Variants in GALNT10 observed in about 807,000 individuals in gnomAD.
GALNT10 encodes polypeptide N-acetylgalactosaminyltransferase 10.
A neutral mutation model predicts 75.0 loss-of-function variants in GALNT10; 41 were observed. The observed-to-expected ratio is 0.55, with a 90% CI of 0.43 to 0.71. GALNT10 has a LOEUF of 0.71. GALNT10 is among the 30% of genes least tolerant of loss of function. The probability of loss-of-function intolerance (pLI) is 0.00; values close to 1 mark genes in which losing one functional copy is unlikely to be tolerated. For synonymous variants in GALNT10, 302 were observed against 313.0 expected, an observed-to-expected ratio of 0.96 and a Z score of 0.37; for missense variants, 727 against 818.5, an observed-to-expected ratio of 0.89 and a Z score of 1.36.
intron 1 of GALNT10, among the ~76,000 whole-genome samples, chr5:154,262,850 C>T (rs1753719624): frequency 6.6e-6 from 1 of 151,906 alleles, no homozygotes; most frequent in Non-Finnish European, 1.5e-5. Flanking sequence ...TTAATGTTAA[C>T]ATCAGGAAAG....
intron 4 of GALNT10, chr5:154,347,166 T>C (rs1237976003): frequency 1.9e-5 from 10 of 514,634 alleles, no homozygotes; most frequent in Non-Finnish European, 3.2e-5. Context: ...GAGGTTGGCA[T>C]TGTTGTCTGG....
chr5:154,384,706 C>T (rs1018825109), intron 6 of GALNT10, among the ~76,000 whole-genome samples: 11 of 152,216 alleles, frequency 7.2e-5, no homozygotes, highest in African/African-American at 2.7e-4. Context: ...TTGCATGCAT[C>T]ACCTGCTTCT....
intron 1 of GALNT10, among the ~76,000 whole-genome samples, chr5:154,224,110 A>C (rs1753025875): frequency 6.6e-6 from 1 of 152,178 alleles, no homozygotes; most frequent in Admixed American, 6.5e-5. Context: ...AGAAGTTTGA[A>C]TTTGATTCCA....
intron 3 of GALNT10, among the ~76,000 whole-genome samples, chr5:154,325,541 T>G (rs1754744223): frequency 6.6e-6 from 1 of 151,656 alleles, no homozygotes; most frequent in African/African-American, 2.4e-5. Flanking sequence ...GTTGCAGGAA[T>G]GCAAGACTGG....
chr5:154,356,138 T>C, intron 4 of GALNT10: 1 of 456,308 alleles, frequency 2.2e-6, no homozygotes, highest in African/African-American at 2.0e-5. Context: ...AAAAAGATTA[T>C]GTCTGCAATT....
chr5:154,299,124 G>C (rs1001681189), intron 3 of GALNT10, among the ~76,000 whole-genome samples: 1 of 152,188 alleles, frequency 6.6e-6, no homozygotes, highest in Non-Finnish European at 1.5e-5. Context: ...TGTATGCCAG[G>C]CATTTTTCTA....
intron 1 of GALNT10, among the ~76,000 whole-genome samples, chr5:154,225,106 T>G (rs1180717002): frequency 1.9e-4 from 28 of 150,928 alleles, no homozygotes; most frequent in Admixed American, 3.3e-4. Flanking sequence ...TTGTTTGTTT[T>G]TTTTTAGACA....
intron 6 of GALNT10, 138 bp downstream of exon 6, chr5:154,380,769 T>C (rs17116042): frequency 0.25 from 148,905 of 593,594 alleles, 19,743 homozygotes; most frequent in Non-Finnish European, 0.27. Context: ...GTACCAAGTG[T>C]CAGATATCCC....
Position 154,367,964 on chromosome 5 carries a change from A to C in GALNT10, c.569-8313A>C, listed in dbSNP as rs191366762. Among the ~76,000 whole-genome samples, 11 of 152,294 alleles carry C rather than the reference A, an allele frequency of 7.2e-5. No individual in the cohort carries two copies. The East Asian group carries it at 2.1e-3, about 29-fold the overall frequency. On this transcript the variant is annotated intron_variant, in intron 4 of 11. Transcript: ENST00000297107. ...CATGGGATTCTGGTTTTGATCATTTAGAGTTCCTAATATGATCAAGATGGC... is the reference window on the plus strand; with the variant it reads ...CATGGGATTCTGGTTTTGATCATTTCGAGTTCCTAATATGATCAAGATGGC...
intron 8 of GALNT10, among the ~76,000 whole-genome samples, chr5:154,407,360 C>T (rs1756302613): frequency 6.6e-6 from 1 of 152,116 alleles, no homozygotes; most frequent in South Asian, 2.1e-4. Flanking sequence ...TCCTTTGGTG[C>T]AAACAGTGAA....
At chr5:154,275,593 A>G (rs1753937905) in intron 1 of GALNT10, among the ~76,000 whole-genome samples, 2 of 152,224 alleles carry the variant, frequency 1.3e-5, no homozygotes, top group Admixed American at 6.5e-5. Flanking sequence ...AGAACACTTT[A>G]TCTCTGCTGC....
chr5:154,192,384 G>A (rs1774871249), intron 1 of GALNT10, among the ~76,000 whole-genome samples: 1 of 152,206 alleles, frequency 6.6e-6, no homozygotes, highest in African/African-American at 2.4e-5. Context: ...TTCAAACCCT[G>A]ACAGCTAGCT....
At chr5:154,369,827 T>C (rs1202851113) in intron 4 of GALNT10, among the ~76,000 whole-genome samples, 1 of 152,210 alleles carries the variant, frequency 6.6e-6, no homozygotes, top group African/African-American at 2.4e-5. Context: ...CTGACTCATC[T>C]GGTTGGTGGC....
chr5:154,298,418 T>C lies in GALNT10; in HGVS notation c.401+339T>C, dbSNP rs1332630485. 6.6e-6 allele frequency among the ~76,000 whole-genome samples: 1 copy of C among 152,014 alleles called. No individual in the cohort carries two copies. The highest frequency in any genetic ancestry group is 2.4e-5 in the African/African-American group (1 of 41,258). ...TCACTTTCTGTGTGATGTTTTTATT[T>C]CTTTTTAAAAAAAATCTTTCTATAT... On this transcript the variant is annotated intron_variant, in intron 3 of 11. Coordinates refer to ENST00000297107, the MANE Select transcript of GALNT10 (RefSeq NM_198321.4). The surrounding 1 kb of genome is among the most constrained non-coding windows in gnomAD (Gnocchi z 4.1).
intron 4 of GALNT10, among the ~76,000 whole-genome samples, chr5:154,330,920 T>G (rs1289891134): frequency 1.1e-5 from 1 of 87,232 alleles, no homozygotes. Flanking sequence ...TGTGTGTGTG[T>G]GTGTGTGTGT....
rs1364893124 is a variant in GALNT10, at chr5:154,402,838, G to A, written c.1057-1266G>A. The A allele has an allele frequency of 3.3e-5, 5 of 152,276 alleles. No homozygotes were observed. Among genetic ancestry groups the A allele is most frequent in the East Asian group, 3.9e-4 (2 of 5,194 alleles). 9.4% of individuals were successfully genotyped at this position (152,276 alleles called of 1,614,324 possible). The stretch of plus-strand genomic sequence containing the variant: ...GGCAGCTGGCTCCTCCAAAGCCAGC[G>A]GTCCCACAGAGAAAGGTGGAAGCCA... On this transcript the variant is annotated intron_variant, in intron 7 of 11. Coordinates refer to ENST00000297107, the MANE Select transcript of GALNT10 (RefSeq NM_198321.4). The surrounding 1 kb of genome is among the most constrained non-coding windows in gnomAD (Gnocchi z 4.2).
intron 1 of GALNT10, among the ~76,000 whole-genome samples, chr5:154,231,233 A>G (rs1448222304): frequency 6.6e-6 from 1 of 152,220 alleles, no homozygotes; most frequent in African/African-American, 2.4e-5. Context: ...ACATCTTTCC[A>G]AGTTGGTATA....
chr5:154,234,131 TAAGATTCTGTGGTGGGAAA>T (rs1360684465), intron 1 of GALNT10, among the ~76,000 whole-genome samples: 2 of 152,250 alleles, frequency 1.3e-5, no homozygotes, highest in African/African-American at 4.8e-5. Flanking sequence ...CAGGCATTTT[TAAGATTCTGTGGTGGGAAA>T]GTTGAGTTGG....
intron 7 of GALNT10, chr5:154,388,583 CA>C (rs922936001): frequency 6.6e-6 from 1 of 152,152 alleles, no homozygotes; most frequent in African/African-American, 2.4e-5. Flanking sequence ...TGCTTGACTC[CA>C]AAGCCCACGC....
Sources: allele counts gnomAD v4.1 joint callset (sites outside exome capture counted in the v4.1 genomes callset), GRCh38; gene constraint gnomAD v4.1.1; non-coding constraint Gnocchi (gnomAD v3.1); transcripts MANE v1.5; gene names NCBI Gene and HGNC (gene_info 2026-07-23, HGNC 2026-07-21).